Variants in CNTNAP5 observed in about 807,000 individuals in gnomAD.
CNTNAP5 encodes the protein contactin associated protein family member 5.
A neutral mutation model predicts 150.2 loss-of-function variants in CNTNAP5; 72 were observed. The ratio of observed to expected loss-of-function variants is 0.48; its 90% CI spans 0.40 to 0.58. The LOEUF is 0.58. CNTNAP5 is among the 20% of genes least tolerant of loss of function. The probability of loss-of-function intolerance (pLI) is 0.00; values close to 1 mark genes in which losing one functional copy is unlikely to be tolerated. For synonymous variants in CNTNAP5, 672 were observed against 619.8 expected (o/e 1.08, Z -1.25); for missense variants, 1,636 against 1,626.2 (o/e 1.01, Z -0.10).
At chr2:124,208,843 A>C (rs1172092822) in intron 1 of CNTNAP5, among the ~76,000 whole-genome samples, 1 of 152,184 alleles carries the variant, frequency 6.6e-6, no homozygotes, top group African/African-American at 2.4e-5. Context: ...ATCTTTACAG[A>C]GGTTCACAGG....
At position 124,915,188 on chromosome 2, in the gene CNTNAP5, GTATA is replaced by G. The variant is rs199738922; in HGVS notation, c.*905_*908del. On this transcript the variant is annotated 3_prime_UTR_variant, in exon 24 of 24. Coordinates refer to ENST00000682447, the MANE Select transcript of CNTNAP5 (RefSeq NM_001367498.1). Reference sequence around the variant, plus strand: ...TGTATATATGTATATATATATGTGAGTATATATACACACACACACACACACACAC... The same window carrying G: ...TGTATATATGTATATATATATGTGAGTATACACACACACACACACACACAC... 1.8e-5 allele frequency: 3 copies of G among 163,180 alleles called. No homozygotes were observed. The highest frequency in any genetic ancestry group is 3.0e-5 in the Non-Finnish European group (2 of 67,434). 10.1% of individuals were successfully genotyped at this position (163,180 alleles called of 1,614,324 possible).
intron 1 of CNTNAP5, among the ~76,000 whole-genome samples, chr2:124,117,597 A>T (rs1332484492): frequency 1.3e-5 from 2 of 152,216 alleles, no homozygotes; most frequent in Admixed American, 1.3e-4. Flanking sequence ...AGTACTTAAC[A>T]CTGTATTTTC....
intron 3 of CNTNAP5, among the ~76,000 whole-genome samples, chr2:124,410,310 G>C (rs1157766508): frequency 6.6e-6 from 1 of 150,808 alleles, no homozygotes; most frequent in Non-Finnish European, 1.5e-5. Context: ...GTCAACATTA[G>C]ACAGATCAAC....
intron 17 of CNTNAP5, among the ~76,000 whole-genome samples, chr2:124,789,058 G>A (rs1010214572): frequency 7.9e-5 from 12 of 152,176 alleles, no homozygotes; most frequent in South Asian, 2.1e-4. Context: ...AGTGACATGC[G>A]TTTGACTCCA....
chr2:124,698,301 C>T (rs1458764827), intron 13 of CNTNAP5, among the ~76,000 whole-genome samples: 1 of 151,190 alleles, frequency 6.6e-6, no homozygotes, highest in African/African-American at 2.4e-5. Flanking sequence ...TTCAAACAGG[C>T]CTCATTCTCT....
At chr2:124,751,427 G>A (rs990330013) in intron 14 of CNTNAP5, among the ~76,000 whole-genome samples, 1 of 152,160 alleles carries the variant, frequency 6.6e-6, no homozygotes, top group African/African-American at 2.4e-5. Context: ...GTCTGTACAA[G>A]GATTATGGGC....
chr2:124,550,244 AC>A (rs1030759684), intron 10 of CNTNAP5, among the ~76,000 whole-genome samples: 1 of 152,086 alleles, frequency 6.6e-6, no homozygotes, highest in Non-Finnish European at 1.5e-5. Context: ...AAAAAATAAA[AC>A]CCCACAATTT....
At chr2:124,741,732 T>C (rs1477269954) in intron 13 of CNTNAP5, among the ~76,000 whole-genome samples, 1 of 152,154 alleles carries the variant, frequency 6.6e-6, no homozygotes, top group Non-Finnish European at 1.5e-5. Flanking sequence ...TGATTTAAAT[T>C]CAAGTATAGG....
intron 3 of CNTNAP5, among the ~76,000 whole-genome samples, chr2:124,301,644 A>T (rs1688569869): frequency 6.6e-6 from 1 of 152,120 alleles, no homozygotes. Flanking sequence ...TCATTCCCAA[A>T]AGCTTCTATT....
At chr2:124,508,658 C>G (rs1301437128) in intron 8 of CNTNAP5, among the ~76,000 whole-genome samples, 2 of 152,214 alleles carry the variant, frequency 1.3e-5, no homozygotes, top group Non-Finnish European at 2.9e-5. Context: ...ACCCACCTCT[C>G]AGAAACTGAA....
rs573283032 is a variant in CNTNAP5, at chr2:124,107,273, G to A, written c.82+81541G>A. On this transcript the variant is annotated intron_variant, in intron 1 of 23. Transcript: ENST00000682447. ...AATGAGGGCTATTGGAAACCACTGCGTCTATCTTTGTCCCTGACCATGAAG... is the reference window on the plus strand; with the variant it reads ...AATGAGGGCTATTGGAAACCACTGCATCTATCTTTGTCCCTGACCATGAAG... Among the ~76,000 whole-genome samples, 15 of 152,288 alleles carry A rather than the reference G, an allele frequency of 9.8e-5. No individual in the cohort carries two copies. The South Asian group carries it at 1.5e-3, about 15-fold the overall frequency.
chr2:124,354,051 A>C (rs1376186875), intron 3 of CNTNAP5, among the ~76,000 whole-genome samples: 2 of 152,194 alleles, frequency 1.3e-5, no homozygotes, highest in Non-Finnish European at 2.9e-5. Context: ...AGACTTGACT[A>C]TGATGAAACC....
chr2:124,294,983 A>C (rs958355460), intron 3 of CNTNAP5, among the ~76,000 whole-genome samples: 8 of 152,016 alleles, frequency 5.3e-5, no homozygotes, highest in Non-Finnish European at 1.2e-4. Flanking sequence ...GCGGGATTAC[A>C]GGCACCCAGC....
At chr2:124,367,959 G>A (rs1690419756) in intron 3 of CNTNAP5, among the ~76,000 whole-genome samples, 1 of 152,168 alleles carries the variant, frequency 6.6e-6, no homozygotes, top group Non-Finnish European at 1.5e-5. Flanking sequence ...TGTTGCACAT[G>A]TGTGATGTGG....
intron 21 of CNTNAP5, among the ~76,000 whole-genome samples, chr2:124,891,248 C>T (rs1359041170): frequency 1.3e-5 from 2 of 152,008 alleles, no homozygotes; most frequent in East Asian, 1.9e-4. Flanking sequence ...ATGGGGATAT[C>T]TGGGGGCTGA....
intron 14 of CNTNAP5, among the ~76,000 whole-genome samples, chr2:124,752,100 G>T (rs1415676810): frequency 6.6e-6 from 1 of 152,170 alleles, no homozygotes; most frequent in Non-Finnish European, 1.5e-5. Flanking sequence ...ATGCTAGAGA[G>T]AACTCTCCTA....
At chr2:124,090,248 G>T (rs1322535258) in intron 1 of CNTNAP5, among the ~76,000 whole-genome samples, 3 of 152,038 alleles carry the variant, frequency 2.0e-5, no homozygotes, top group Non-Finnish European at 4.4e-5. Flanking sequence ...ATCAGTTTCG[G>T]CATGTTCTAT....
At chr2:124,420,249 A>G (rs1392834308) in intron 4 of CNTNAP5, among the ~76,000 whole-genome samples, 4 of 151,792 alleles carry the variant, frequency 2.6e-5, no homozygotes, top group Non-Finnish European at 5.9e-5. Context: ...TCGGCCTCCC[A>G]AAGTGCTGGG....
chr2:124,277,600 A>T (rs930848660), intron 3 of CNTNAP5, among the ~76,000 whole-genome samples: 4 of 152,186 alleles, frequency 2.6e-5, no homozygotes, highest in Non-Finnish European at 1.5e-5. Context: ...ACCATTTTAC[A>T]TTAAAATAAA....
Sources: allele counts gnomAD v4.1 joint callset (sites outside exome capture counted in the v4.1 genomes callset), GRCh38; gene constraint gnomAD v4.1.1; transcripts MANE v1.5; gene names NCBI Gene and HGNC (gene_info 2026-07-23, HGNC 2026-07-21).